C1QTNF3: variants seen among roughly 807,000 people sequenced by gnomAD.
C1QTNF3 encodes the protein complement C1q tumor necrosis factor-related protein 3.
C1QTNF3 carries 26 observed loss-of-function variants against 32.6 expected under a neutral mutation model. The ratio of observed to expected loss-of-function variants is 0.80; its 90% CI spans 0.58 to 1.11. C1QTNF3 has a LOEUF of 1.11. Ranked by LOEUF, C1QTNF3 falls within the 50% of genes least tolerant of loss-of-function variation. The pLI is 0.00. For synonymous variants in C1QTNF3, 155 were observed against 146.0 expected (o/e 1.06, Z -0.44); for missense variants, 362 against 398.2 (o/e 0.91, Z 0.77).
the C1QTNF3 span, among the ~76,000 whole-genome samples, chr5:34,115,729 T>C: frequency 7.0e-6 from 1 of 142,998 alleles, no homozygotes; most frequent in Non-Finnish European, 1.5e-5. Context: ...AGACTCTGTG[T>C]CAAAAAAAAA....
the C1QTNF3 span, among the ~76,000 whole-genome samples, chr5:34,217,916 C>A: frequency 6.6e-6 from 1 of 151,962 alleles, no homozygotes. Context: ...CTAACAGTGA[C>A]CAAATGTATA....
chr5:34,218,704 TAA>T, the C1QTNF3 span, among the ~76,000 whole-genome samples: 1 of 152,098 alleles, frequency 6.6e-6, no homozygotes, highest in Non-Finnish European at 1.5e-5. Flanking sequence ...TGATAATAAA[TAA>T]GAGTTCCTAA....
At chr5:34,158,589 TATA>T in the C1QTNF3 span, 1 of 152,166 alleles carries the variant, frequency 6.6e-6, no homozygotes, top group Non-Finnish European at 1.5e-5. Context: ...CATCTTTTCA[TATA>T]ATAATTATGT....
the C1QTNF3 span, among the ~76,000 whole-genome samples, chr5:34,138,063 C>A: frequency 2.6e-5 from 4 of 152,162 alleles, no homozygotes; most frequent in Admixed American, 6.5e-5. Context: ...GAGACAATCA[C>A]GTGAACACAC....
chr5:34,077,889 T>TA, the C1QTNF3 span, among the ~76,000 whole-genome samples: 7 of 150,680 alleles, frequency 4.6e-5, no homozygotes, highest in South Asian at 2.1e-4. Context: ...TTAACACCTC[T>TA]AAAAAAAAAG....
chr5:34,067,076 A>C, the C1QTNF3 span, among the ~76,000 whole-genome samples: 659 of 152,344 alleles, frequency 4.3e-3, 8 homozygotes, highest in African/African-American at 0.015. Flanking sequence ...TTGCTAAAAC[A>C]TAACAAGAGT....
At chr5:34,142,693 C>A in the C1QTNF3 span, among the ~76,000 whole-genome samples, 1 of 152,174 alleles carries the variant, frequency 6.6e-6, no homozygotes, top group African/African-American at 2.4e-5. Context: ...ATATACTTCC[C>A]CGTGAAACCA....
chr5:34,024,470 C>A, intron 4 of C1QTNF3: 1 of 157,810 alleles, frequency 6.3e-6, no homozygotes, highest in Non-Finnish European at 1.4e-5. Context: ...AAGGGATTAG[C>A]CAAAGATGAG....
the C1QTNF3 span, among the ~76,000 whole-genome samples, chr5:34,163,019 G>A: frequency 6.6e-6 from 1 of 152,100 alleles, no homozygotes; most frequent in Non-Finnish European, 1.5e-5. Context: ...TCAATGTACA[G>A]AATGTTCCTC....
the C1QTNF3 span, among the ~76,000 whole-genome samples, chr5:34,163,916 TTAAAAACA>T: frequency 6.6e-6 from 1 of 152,086 alleles, no homozygotes; most frequent in South Asian, 2.1e-4. Context: ...TGTTGATATG[TTAAAAACA>T]AGAAAACAAA....
the C1QTNF3 span, among the ~76,000 whole-genome samples, chr5:34,217,134 G>A: frequency 6.6e-6 from 1 of 152,100 alleles, no homozygotes; most frequent in Non-Finnish European, 1.5e-5. Context: ...GTTTATAAGT[G>A]TTTTCATGCA....
the C1QTNF3 span, among the ~76,000 whole-genome samples, chr5:34,159,767 A>G: frequency 2.0e-5 from 3 of 152,166 alleles, no homozygotes; most frequent in East Asian, 3.9e-4. Flanking sequence ...GTAAACATTG[A>G]TAAGAATAAA....
At chr5:34,087,804 A>C in the C1QTNF3 span, among the ~76,000 whole-genome samples, 1 of 152,176 alleles carries the variant, frequency 6.6e-6, no homozygotes, top group African/African-American at 2.4e-5. Context: ...AGTTGGTTTC[A>C]AACTGCTGAG....
At chr5:34,102,151 A>G in the C1QTNF3 span, among the ~76,000 whole-genome samples, 2 of 151,472 alleles carry the variant, frequency 1.3e-5, no homozygotes, top group Non-Finnish European at 2.9e-5. Context: ...CACAAAAACA[A>G]CCTATCAGAA....
At chr5:34,070,328 T>C in the C1QTNF3 span, among the ~76,000 whole-genome samples, 1 of 152,212 alleles carries the variant, frequency 6.6e-6, no homozygotes, top group African/African-American at 2.4e-5. Flanking sequence ...CAGTCATAAT[T>C]TGAGCCATAA....
the C1QTNF3 span, among the ~76,000 whole-genome samples, chr5:34,059,424 G>A: frequency 2.6e-5 from 4 of 152,036 alleles, no homozygotes; most frequent in Admixed American, 2.6e-4. Flanking sequence ...GATGGCTTAA[G>A]CAACAAGTAT....
At chr5:34,212,141 T>C in the C1QTNF3 span, among the ~76,000 whole-genome samples, 171 of 151,304 alleles carry the variant, frequency 1.1e-3, 1 homozygote, top group Non-Finnish European at 2.1e-3. Flanking sequence ...CTGAGAAAAA[T>C]AAGCAATGGG....
chr5:34,131,580 G>T, the C1QTNF3 span, among the ~76,000 whole-genome samples: 20 of 152,268 alleles, frequency 1.3e-4, no homozygotes, highest in African/African-American at 4.8e-4. Context: ...AAAAAAAGTT[G>T]ATCTCAGAGG....
the C1QTNF3 span, among the ~76,000 whole-genome samples, chr5:34,185,129 T>C: frequency 6.6e-6 from 1 of 152,420 alleles, no homozygotes; most frequent in South Asian, 2.1e-4. Flanking sequence ...GGCAGATCAT[T>C]TGAGGTCTGG....
Sources: allele counts gnomAD v4.1 joint callset (sites outside exome capture counted in the v4.1 genomes callset), GRCh38; gene constraint gnomAD v4.1.1; transcripts MANE v1.5; gene names NCBI Gene and HGNC (gene_info 2026-07-23, HGNC 2026-07-21).